MORN5: variants seen among roughly 807,000 people sequenced by gnomAD.
MORN5 encodes MORN repeat containing 5.
In MORN5, 21 loss-of-function variants were observed where a neutral mutation model predicts 22.1. The observed-to-expected ratio is 0.95, with a 90% CI of 0.67 to 1.37. The LOEUF is 1.37. Ranked by LOEUF, MORN5 falls within the 40% of genes most tolerant of loss-of-function variation. The pLI, the probability that MORN5 is intolerant of heterozygous loss-of-function variation, is 0.00. For synonymous variants in MORN5, 73 were observed against 74.0 expected (o/e 0.99, Z 0.07); for missense variants, 211 against 215.1 (o/e 0.98, Z 0.12).
Position 122,176,075 on chromosome 9 carries a change from G to A in MORN5, c.439+1448G>A, listed in dbSNP as rs953709096. 1.4e-5 allele frequency among the ~76,000 whole-genome samples: 2 copies of A among 144,514 alleles called. 1 individual carries two copies. The highest frequency in any genetic ancestry group is 4.3e-4 in the South Asian group (2 of 4,614). The allele number at this position is 144,514 out of a possible 152,430, so 94.8% of individuals were successfully genotyped here. A position where few individuals can be genotyped will look rare whatever the true frequency, so the allele number is the denominator to read the frequency against. The stretch of plus-strand genomic sequence containing the variant: ...GGAGCTTGCAGTGAGCCGAGATCGC[G>A]CCACTGCACTCCAGCCTGGGCGACA... On this transcript the variant is annotated intron_variant, in intron 4 of 4. Coordinates refer to ENST00000373764, the MANE Select transcript of MORN5 (RefSeq NM_198469.4).
chr9:122,167,021 T>G, intron 2 of MORN5, 106 bp downstream of exon 2: 1 of 1,085,852 alleles, frequency 9.2e-7, no homozygotes, highest in African/African-American at 1.7e-5. Context: ...CTTGTTCCAT[T>G]CACTCTTCTC....
intron 4 of MORN5, among the ~76,000 whole-genome samples, chr9:122,179,327 T>G (rs1829500623): frequency 6.6e-6 from 1 of 152,178 alleles, no homozygotes; most frequent in African/African-American, 2.4e-5. Flanking sequence ...TTTAGGCAGG[T>G]AACATAGTAA....
At chr9:122,192,141 G>T (rs1219866216) in intron 4 of MORN5, among the ~76,000 whole-genome samples, 2 of 152,206 alleles carry the variant, frequency 1.3e-5, no homozygotes, top group Non-Finnish European at 2.9e-5. Flanking sequence ...CGAGTCGGTG[G>T]CTCAGCATCG....
At position 122,166,836 on chromosome 9, in the gene MORN5, T is replaced by G; in HGVS notation, c.116T>G (p.Met39Arg). Residue 39 changes from methionine (M) to arginine (R), a missense_variant, in exon 2 of 5, where the codon ATG becomes AGG. Transcript: ENST00000373764. ...TIYVGEMKDG[M>R]FHGEGTLYFP... ...TATGTTGGGGAAATGAAGGATGGCA[T>G]GTTTCACGGCGAGGGAACCCTGTAC... 1 of 1,613,978 alleles carries G rather than the reference T, an allele frequency of 6.2e-7. No homozygotes were observed. Among genetic ancestry groups the G allele is most frequent in the Non-Finnish European group, 8.5e-7 (1 of 1,179,954 alleles).
intron 4 of MORN5, among the ~76,000 whole-genome samples, chr9:122,187,060 C>T (rs900009938): frequency 1.3e-5 from 2 of 152,202 alleles, no homozygotes; most frequent in African/African-American, 2.4e-5. Context: ...CAGAAATAGA[C>T]CCCCCTTCCA....
intron 4 of MORN5, among the ~76,000 whole-genome samples, chr9:122,180,876 G>A (rs1446701697): frequency 1.3e-5 from 2 of 152,158 alleles, no homozygotes; most frequent in Admixed American, 6.5e-5. Flanking sequence ...ACGTGACTAC[G>A]TCTGATTCAT....
At chr9:122,161,499 T>C (rs1246169457) in intron 1 of MORN5, among the ~76,000 whole-genome samples, 1 of 152,026 alleles carries the variant, frequency 6.6e-6, no homozygotes, top group African/African-American at 2.4e-5. Flanking sequence ...ACCTTGCAAA[T>C]AAAGGAACAG....
At chr9:122,180,704 C>T (rs1383359632) in intron 4 of MORN5, among the ~76,000 whole-genome samples, 1 of 152,206 alleles carries the variant, frequency 6.6e-6, no homozygotes, top group East Asian at 1.9e-4. Flanking sequence ...GCAGCCTTCC[C>T]TGACCATCTC....
intron 1 of MORN5, among the ~76,000 whole-genome samples, chr9:122,163,761 C>G (rs1829235947): frequency 6.6e-6 from 1 of 152,146 alleles, no homozygotes; most frequent in Non-Finnish European, 1.5e-5. Context: ...ACTGATAGAT[C>G]CTGGTAGGGC....
Position 122,199,921 on chromosome 9 carries a change from G to A in MORN5, c.476G>A (p.Arg159Gln), listed in dbSNP as rs774487158. Residue 159 changes from arginine to glutamine, a missense_variant, in exon 5 of 5, where the codon CGA becomes CAA. Transcript: ENST00000373764. ...CATGAGTGGATCACCCGTACCTGTC[G>A]AAAGGGCTAGGATGAGATCGTGGGT... The part of the protein sequence containing the change: ...DEHEWITRTC[R>Q]KG 14 of 1,613,840 alleles carry A rather than the reference G, an allele frequency of 8.7e-6. No individual in the cohort carries two copies. Among genetic ancestry groups the A allele is most frequent in the South Asian group, 7.7e-5 (7 of 91,066 alleles).
At chr9:122,164,573 G>A (rs1564414665) in intron 1 of MORN5, 1 of 985,550 alleles carries the variant, frequency 1.0e-6, no homozygotes, top group Non-Finnish European at 1.2e-6. Flanking sequence ...CTGCTTAGGG[G>A]AGGAGGAGAT....
intron 4 of MORN5, among the ~76,000 whole-genome samples, chr9:122,182,204 A>G (rs1474469751): frequency 6.6e-6 from 1 of 152,206 alleles, no homozygotes; most frequent in Non-Finnish European, 1.5e-5. Context: ...ATTCATTGAT[A>G]AACACAACCA....
chr9:122,163,826 A>G (rs542375722), intron 1 of MORN5, among the ~76,000 whole-genome samples: 1 of 152,332 alleles, frequency 6.6e-6, no homozygotes, highest in South Asian at 2.1e-4. Flanking sequence ...CATAATGCAT[A>G]TGTGTGGTAG....
intron 1 of MORN5, among the ~76,000 whole-genome samples, chr9:122,166,016 C>T (rs143573892): frequency 0.013 from 1,932 of 152,174 alleles, 46 homozygotes; most frequent in African/African-American, 0.045. Context: ...GAAGGCCTCA[C>T]GATCATGGTG....
chr9:122,167,058 T>A (rs1829297096), intron 2 of MORN5, 143 bp downstream of exon 2: 6 of 326,794 alleles, frequency 1.8e-5, no homozygotes, highest in Middle Eastern at 1.1e-3. Context: ...TCCCCCCACT[T>A]TTTTTTTTTT....
intron 3 of MORN5, among the ~76,000 whole-genome samples, chr9:122,171,207 A>G (rs1175510708): frequency 6.6e-6 from 1 of 151,956 alleles, no homozygotes; most frequent in African/African-American, 2.4e-5. Flanking sequence ...GCACAAGTCA[A>G]CCTCCGTCAG....
At chr9:122,172,117 A>G (rs545038680) in intron 3 of MORN5, among the ~76,000 whole-genome samples, 104 of 141,894 alleles carry the variant, frequency 7.3e-4, no homozygotes, top group Non-Finnish European at 1.3e-3. Flanking sequence ...ATGCGCCACC[A>G]CTCCTGGTTA....
At chr9:122,173,566 C>G (rs1829397653) in intron 3 of MORN5, among the ~76,000 whole-genome samples, 1 of 152,170 alleles carries the variant, frequency 6.6e-6, no homozygotes, top group Admixed American at 6.5e-5. Context: ...ATCCAGCTCT[C>G]AGTCTAGAGA....
chr9:122,180,086 A>G (rs1030987861), intron 4 of MORN5, among the ~76,000 whole-genome samples: 1 of 152,184 alleles, frequency 6.6e-6, no homozygotes, highest in Non-Finnish European at 1.5e-5. Context: ...CCATCCTTCT[A>G]TGTATCAAAA....
Sources: gnomAD v4.1 joint callset for allele counts (sites outside exome capture counted in the v4.1 genomes callset) on GRCh38, gnomAD v4.1.1 for gene constraint, MANE v1.5 for transcripts, NCBI Gene and HGNC (gene_info 2026-07-23, HGNC 2026-07-21) for gene names.